The following LRMDA variants were observed in gnomAD, a reference collection of about 807,000 sequenced individuals.
LRMDA encodes the protein leucine-rich melanocyte differentiation-associated protein.
A neutral mutation model predicts 29.8 loss-of-function variants in LRMDA; 18 were observed. That is an observed-to-expected ratio of 0.60 (90% CI 0.42 to 0.90). The LOEUF (loss-of-function observed/expected upper bound fraction) is 0.90, where lower values mean the gene tolerates loss of function less well. LRMDA is among the 40% of genes least tolerant of loss of function. LRMDA has a pLI of 0.00. For missense variants in LRMDA, 273 were observed against 273.9 expected (o/e 1.00, Z 0.02); for synonymous variants, 125 against 109.4 (o/e 1.14, Z -0.89).
intron 5 of LRMDA, among the ~76,000 whole-genome samples, chr10:76,165,950 T>C (rs1007988403): frequency 2.6e-5 from 4 of 152,190 alleles, no homozygotes; most frequent in African/African-American, 9.7e-5. Flanking sequence ...TTGGGTAGGT[T>C]GGTGAACAAA....
intron 6 of LRMDA, among the ~76,000 whole-genome samples, chr10:76,525,440 C>G (rs868755131): frequency 2.0e-5 from 3 of 152,172 alleles, no homozygotes; most frequent in African/African-American, 4.8e-5. Flanking sequence ...TCTTTCTACC[C>G]TCTTAGAGGA....
intron 6 of LRMDA, among the ~76,000 whole-genome samples, chr10:76,341,976 A>G (rs2132420851): frequency 6.6e-6 from 1 of 152,320 alleles, no homozygotes; most frequent in Non-Finnish European, 1.5e-5. Flanking sequence ...GGAAGGGCAA[A>G]TAGACTCTGC....
At chr10:75,984,628 A>G (rs139531136) in intron 2 of LRMDA, among the ~76,000 whole-genome samples, 19 of 152,372 alleles carry the variant, frequency 1.2e-4, no homozygotes, top group African/African-American at 2.2e-4. Context: ...ATCATCCTAC[A>G]TAAGATCAGC....
chr10:75,835,536 T>A (rs546220795), intron 2 of LRMDA, among the ~76,000 whole-genome samples: 2 of 152,364 alleles, frequency 1.3e-5, no homozygotes, highest in East Asian at 3.9e-4. Context: ...TTATGTAGCC[T>A]ACCATATCGC....
intron 6 of LRMDA, among the ~76,000 whole-genome samples, chr10:76,351,744 C>T (rs1841179335): frequency 6.6e-6 from 1 of 150,744 alleles, no homozygotes; most frequent in African/African-American, 2.4e-5. Context: ...TAGGTCTTAT[C>T]AGCATGTTGA....
At chr10:75,692,333 A>G (rs1589160113) in intron 2 of LRMDA, among the ~76,000 whole-genome samples, 1 of 147,632 alleles carries the variant, frequency 6.8e-6, no homozygotes, top group Non-Finnish European at 1.5e-5. Context: ...ATGTATATAT[A>G]TGTATATGTA....
At chr10:75,486,460 A>G (rs1203117113) in intron 2 of LRMDA, among the ~76,000 whole-genome samples, 1 of 152,188 alleles carries the variant, frequency 6.6e-6, no homozygotes, top group Non-Finnish European at 1.5e-5. Flanking sequence ...AGAGGACGTA[A>G]ATTTCACCTT....
chr10:75,960,026 C>T (rs891816056), intron 2 of LRMDA, among the ~76,000 whole-genome samples: 6 of 152,210 alleles, frequency 3.9e-5, no homozygotes, highest in African/African-American at 1.4e-4. Flanking sequence ...TCATCTTCTT[C>T]CTTCTTTCCT....
At chr10:75,564,266 G>A (rs1017667653) in intron 2 of LRMDA, among the ~76,000 whole-genome samples, 20 of 152,306 alleles carry the variant, frequency 1.3e-4, no homozygotes, top group East Asian at 9.7e-4. Context: ...CCTCGCTGAC[G>A]CCTTGCAGCT....
chr10:76,477,846 C>A (rs1317744238), intron 6 of LRMDA, among the ~76,000 whole-genome samples: 1 of 152,078 alleles, frequency 6.6e-6, no homozygotes, highest in African/African-American at 2.4e-5. Context: ...ACTGGCTAGC[C>A]ATATGTAGAA....
intron 2 of LRMDA, among the ~76,000 whole-genome samples, chr10:75,439,329 C>G (rs113523996): frequency 1.9e-3 from 296 of 152,242 alleles, no homozygotes; most frequent in African/African-American, 6.9e-3. Flanking sequence ...GCTGTGCTGC[C>G]CTCTGAGTGG....
At chr10:75,896,250 C>T (rs1010443049) in intron 2 of LRMDA, among the ~76,000 whole-genome samples, 13 of 152,096 alleles carry the variant, frequency 8.5e-5, no homozygotes. Flanking sequence ...AGTTCTGGCT[C>T]CACCTGCTAG....
intron 5 of LRMDA, among the ~76,000 whole-genome samples, chr10:76,072,554 G>A (rs1371996684): frequency 6.6e-6 from 1 of 152,180 alleles, no homozygotes; most frequent in Non-Finnish European, 1.5e-5. Context: ...CTCTAGGTTG[G>A]CCCCAAGAGA....
At chr10:75,578,238 A>AAAAAAAAAAAAC (rs1564805418) in intron 2 of LRMDA, among the ~76,000 whole-genome samples, 1 of 147,940 alleles carries the variant, frequency 6.8e-6, no homozygotes, top group Non-Finnish European at 1.5e-5. Context: ...AAAAAAAAAA[A>AAAAAAAAAAAAC]AGCAGCAGTT....
intron 3 of LRMDA, among the ~76,000 whole-genome samples, chr10:76,040,333 C>A (rs1008133142): frequency 6.6e-6 from 1 of 152,180 alleles, no homozygotes; most frequent in Non-Finnish European, 1.5e-5. Flanking sequence ...TCAGTCAATG[C>A]CTCCCTGCCA....
intron 2 of LRMDA, among the ~76,000 whole-genome samples, chr10:75,609,641 C>T (rs1392857938): frequency 6.6e-6 from 1 of 152,130 alleles, no homozygotes; most frequent in African/African-American, 2.4e-5. Context: ...GCATTGTGGA[C>T]AGGTGTAGTG....
At chr10:76,491,223 A>G (rs1842831079) in intron 6 of LRMDA, among the ~76,000 whole-genome samples, 2 of 151,934 alleles carry the variant, frequency 1.3e-5, no homozygotes. Context: ...CCACAATTGC[A>G]GTGTTATAAT....
intron 2 of LRMDA, among the ~76,000 whole-genome samples, chr10:75,710,058 A>T (rs557687343): frequency 1.3e-4 from 20 of 152,122 alleles, no homozygotes; most frequent in Admixed American, 3.3e-4. Context: ...TGTCACTTTG[A>T]CCTCTTCTGT....
At chr10:75,940,278 T>A (rs1186488369) in intron 2 of LRMDA, among the ~76,000 whole-genome samples, 2 of 152,022 alleles carry the variant, frequency 1.3e-5, no homozygotes, top group Non-Finnish European at 2.9e-5. Context: ...GGGAAGGGCG[T>A]GTTGATAACC....
Sources: gnomAD v4.1 joint callset for allele counts (sites outside exome capture counted in the v4.1 genomes callset) on GRCh38, gnomAD v4.1.1 for gene constraint, MANE v1.5 for transcripts, NCBI Gene and HGNC (gene_info 2026-07-23, HGNC 2026-07-21) for gene names.